TMEM163: variants seen among roughly 807,000 people sequenced by gnomAD.
The protein encoded by TMEM163 is transmembrane protein 163.
In TMEM163, 17 loss-of-function variants were observed where a neutral mutation model predicts 29.3. The ratio of observed to expected loss-of-function variants is 0.58; its 90% CI spans 0.40 to 0.87. TMEM163 has a LOEUF of 0.87. TMEM163 is among the 40% of genes least tolerant of loss of function. TMEM163 has a pLI of 0.00. For synonymous variants in TMEM163, 157 were observed against 160.6 expected, an observed-to-expected ratio of 0.98 and a Z score of 0.17; for missense variants, 303 against 381.5, an observed-to-expected ratio of 0.79 and a Z score of 1.71.
At chr2:134,665,491 A>C (rs1683855457) in intron 2 of TMEM163, among the ~76,000 whole-genome samples, 1 of 152,220 alleles carries the variant, frequency 6.6e-6, no homozygotes, top group Non-Finnish European at 1.5e-5. Flanking sequence ...GCTACAATTC[A>C]AGATGAGATT....
At chr2:134,487,067 C>T (rs1209382341) in intron 5 of TMEM163, among the ~76,000 whole-genome samples, 1 of 152,136 alleles carries the variant, frequency 6.6e-6, no homozygotes, top group Non-Finnish European at 1.5e-5. Context: ...AGAAGCCCTT[C>T]TGTTACAGTA....
intron 2 of TMEM163, among the ~76,000 whole-genome samples, chr2:134,707,153 C>T (rs537453438): frequency 1.3e-5 from 2 of 152,220 alleles, no homozygotes; most frequent in Non-Finnish European, 2.9e-5. Context: ...GCTTCAGTGG[C>T]GGCAGCCGGA....
intron 2 of TMEM163, among the ~76,000 whole-genome samples, chr2:134,699,498 A>G (rs1325538650): frequency 3.3e-5 from 5 of 150,766 alleles, no homozygotes; most frequent in Middle Eastern, 3.4e-3. Flanking sequence ...AGCAAGGCTC[A>G]ATCTCAAAAA....
rs535280283 is a variant in TMEM163, at chr2:134,692,404, T to C, written c.322+20796A>G. ...TGTCTTCCACTAGTTCCTTATCATC[T>C]TCCTACCCCAAGAGAAGTCATTCTC... On this transcript the variant is annotated intron_variant, in intron 2 of 7. Transcript: ENST00000281924. Among the ~76,000 whole-genome samples the C allele has an allele frequency of 2.6e-5, 4 of 152,338 alleles. No individual in the cohort carries two copies. The South Asian group carries it at 8.3e-4, about 32-fold the overall frequency.
rs1682245083 is a variant in TMEM163, at chr2:134,601,941, T to C, written c.323-49850A>G. On this transcript the variant is annotated intron_variant, in intron 2 of 7. Coordinates refer to ENST00000281924, the MANE Select transcript of TMEM163 (RefSeq NM_030923.5). ...GACATGAAGGCAATGAGTAGATACC[T>C]GGGGGAAGAGCATTCCAGGAAGAGG... is the stretch of plus-strand genomic sequence containing the variant. Among the ~76,000 whole-genome samples, 7 of 152,250 alleles carry C rather than the reference T, an allele frequency of 4.6e-5. 1 individual carries two copies. In the South Asian group the frequency reaches 1.5e-3, roughly 32 times the overall value.
At chr2:134,540,519 T>C (rs985568313) in intron 4 of TMEM163, among the ~76,000 whole-genome samples, 11 of 152,214 alleles carry the variant, frequency 7.2e-5, no homozygotes, top group African/African-American at 2.4e-4. Context: ...AGCTAATTGC[T>C]AGGAAGATGC....
intron 4 of TMEM163, among the ~76,000 whole-genome samples, chr2:134,523,149 T>C (rs770111866): frequency 6.6e-6 from 1 of 152,188 alleles, no homozygotes; most frequent in African/African-American, 2.4e-5. Flanking sequence ...ACCATGAACA[T>C]GCTTTGTGTA....
At chr2:134,510,994 T>C (rs1679933747) in intron 4 of TMEM163, among the ~76,000 whole-genome samples, 1 of 152,274 alleles carries the variant, frequency 6.6e-6, no homozygotes, top group South Asian at 2.1e-4. Context: ...TTCCAATTAA[T>C]CAGCAAAACA....
At chr2:134,703,672 A>C (rs1684748394) in intron 2 of TMEM163, among the ~76,000 whole-genome samples, 2 of 152,058 alleles carry the variant, frequency 1.3e-5, no homozygotes, top group Non-Finnish European at 2.9e-5. Context: ...AAACTTGAAA[A>C]ACAAATTAAG....
At chr2:134,573,485 C>G (rs1358645221) in intron 2 of TMEM163, among the ~76,000 whole-genome samples, 5 of 152,170 alleles carry the variant, frequency 3.3e-5, no homozygotes, top group Non-Finnish European at 7.3e-5. Flanking sequence ...TGGCTTCTAA[C>G]AGGTAGAGGC....
At chr2:134,532,540 G>A (rs1252148861) in intron 4 of TMEM163, among the ~76,000 whole-genome samples, 1 of 152,190 alleles carries the variant, frequency 6.6e-6, no homozygotes, top group African/African-American at 2.4e-5. Context: ...AAGGAAACAT[G>A]TATTTTATCC....
chr2:134,679,553 G>T (rs191912206), intron 2 of TMEM163, among the ~76,000 whole-genome samples: 1 of 152,192 alleles, frequency 6.6e-6, no homozygotes. Context: ...CAGTGCTCTG[G>T]GTTGGAAGGA....
chr2:134,560,647 G>C (rs1222139331), intron 2 of TMEM163, among the ~76,000 whole-genome samples: 1 of 152,110 alleles, frequency 6.6e-6, no homozygotes, highest in Non-Finnish European at 1.5e-5. Flanking sequence ...AAAGAGTAAG[G>C]ATAGCCCCGG....
At chr2:134,677,157 G>T (rs75269257) in intron 2 of TMEM163, among the ~76,000 whole-genome samples, 1 of 152,204 alleles carries the variant, frequency 6.6e-6, no homozygotes, top group African/African-American at 2.4e-5. Context: ...TCCTTCCGCA[G>T]ACCTCGTGGC....
intron 2 of TMEM163, among the ~76,000 whole-genome samples, chr2:134,646,283 C>T (rs1470862333): frequency 6.6e-6 from 1 of 151,358 alleles, no homozygotes; most frequent in African/African-American, 2.4e-5. Context: ...CAGCGTTTCA[C>T]CATGTTGGCC....
At chr2:134,683,614 A>G (rs1387193491) in intron 2 of TMEM163, among the ~76,000 whole-genome samples, 1 of 152,204 alleles carries the variant, frequency 6.6e-6, no homozygotes, top group East Asian at 1.9e-4. Flanking sequence ...GACTAAATCC[A>G]TAATAAGTCA....
chr2:134,682,117 G>A lies in TMEM163; in HGVS notation c.322+31083C>T, dbSNP rs140075601. Among the ~76,000 whole-genome samples, 29 of 152,342 alleles carry A rather than the reference G, an allele frequency of 1.9e-4. No homozygotes were observed. In the East Asian group the frequency reaches 4.4e-3, roughly 23 times the overall value. The stretch of plus-strand genomic sequence containing the variant: ...CTACAGAGCACAGAAAATGACTGGT[G>A]TGAGTTTTCTCAATTCTCCCAGGCA... On this transcript the variant is annotated intron_variant, in intron 2 of 7. Transcript: ENST00000281924.
chr2:134,561,520 T>C (rs1034902026), intron 2 of TMEM163, among the ~76,000 whole-genome samples: 15 of 151,960 alleles, frequency 9.9e-5, no homozygotes, highest in Admixed American at 9.8e-4. Context: ...CTAATTTTTT[T>C]TGTATTTTTT....
At position 134,588,985 on chromosome 2, in the gene TMEM163, G is replaced by A. The variant is rs1312960271; in HGVS notation, c.323-36894C>T. 2.0e-5 allele frequency among the ~76,000 whole-genome samples: 3 copies of A among 152,082 alleles called. No homozygotes were observed. The South Asian group carries it at 6.2e-4, about 32-fold the overall frequency. ...ACATTTCACATTAGAGGGAATAGGCGATACCCCTCAAAAAGTTTATTGTCC... is the reference window on the plus strand; with the variant it reads ...ACATTTCACATTAGAGGGAATAGGCAATACCCCTCAAAAAGTTTATTGTCC... On this transcript the variant is annotated intron_variant, in intron 2 of 7. Coordinates refer to ENST00000281924, the MANE Select transcript of TMEM163 (RefSeq NM_030923.5).
Sources: allele counts gnomAD v4.1 joint callset (sites outside exome capture counted in the v4.1 genomes callset), GRCh38; gene constraint gnomAD v4.1.1; transcripts MANE v1.5; gene names NCBI Gene and HGNC (gene_info 2026-07-23, HGNC 2026-07-21).